Variants in EML4 observed in about 807,000 individuals in gnomAD.
The protein encoded by EML4 is EMAP like 4, also known as echinoderm microtubule-associated protein-like 4.
In EML4, 72 loss-of-function variants were observed where a neutral mutation model predicts 129.0. The ratio of observed to expected loss-of-function variants is 0.56; its 90% confidence interval spans 0.46 to 0.68. EML4 has a LOEUF of 0.68. Ranked by LOEUF, EML4 falls within the 30% of genes least tolerant of loss-of-function variation. The pLI, the probability that EML4 is intolerant of heterozygous loss-of-function variation, is 0.00. For synonymous variants in EML4, 532 were observed against 405.0 expected, an observed-to-expected ratio of 1.31 and a Z score of -3.77; for missense variants, 1,363 against 1,190.6, an observed-to-expected ratio of 1.14 and a Z score of -2.13.
chr2:42,282,047 T>C, intron 7 of EML4, among the ~76,000 whole-genome samples: 1 of 152,216 alleles, frequency 6.6e-6, no homozygotes, highest in East Asian at 1.9e-4. Flanking sequence ...AAATATCCCT[T>C]TTCCAGATAG....
chr2:42,229,503 G>T (rs1159278573), intron 1 of EML4, among the ~76,000 whole-genome samples: 2 of 152,088 alleles, frequency 1.3e-5, no homozygotes, highest in Non-Finnish European at 2.9e-5. Flanking sequence ...AAATGGTAGA[G>T]AATTTTTTCA....
At chr2:42,169,907 C>G in intron 1 of EML4, 1 of 387,418 alleles carries the variant, frequency 2.6e-6, no homozygotes. Flanking sequence ...GAACCCCTTC[C>G]TTCTCAGGCC....
chr2:42,303,356 C>A lies in EML4; in HGVS notation c.1809C>A (p.Phe603Leu). Residue 603 changes from phenylalanine to leucine, a missense_variant, in exon 16 of 23, where the codon TTC (phenylalanine) becomes TTA (leucine). Transcript: ENST00000318522. Reference protein sequence around the residue: ...DELWGLATHPFKDLLLTCAQD... With the variant: ...DELWGLATHPLKDLLLTCAQD... ...TTTGGGGTCTTGCCACACATCCCTTCAAAGATTTGCTCTTGACATGTGCTC... is the reference window on the plus strand; with the variant it reads ...TTTGGGGTCTTGCCACACATCCCTTAAAAGATTTGCTCTTGACATGTGCTC... The A allele has an allele frequency of 6.2e-7, 1 of 1,614,136 alleles. No homozygotes were observed. The highest frequency in any genetic ancestry group is 1.1e-5 in the South Asian group (1 of 91,062).
chr2:42,239,241 C>T (rs942457464), intron 1 of EML4, among the ~76,000 whole-genome samples: 12 of 152,090 alleles, frequency 7.9e-5, no homozygotes, highest in African/African-American at 1.2e-4. Flanking sequence ...GATATAAAAT[C>T]GGTAAAATCC....
chr2:42,234,044 T>C (rs1385399341), intron 1 of EML4, among the ~76,000 whole-genome samples: 2 of 152,260 alleles, frequency 1.3e-5, no homozygotes, highest in Admixed American at 1.3e-4. Context: ...GCTTTTCTGC[T>C]GCCTAGGGTT....
chr2:42,319,638 C>T (rs1669418853), intron 19 of EML4: 4 of 152,238 alleles, frequency 2.6e-5, no homozygotes. Flanking sequence ...TGGGTCAACA[C>T]TGTCTCTGCT....
At chr2:42,186,548 C>A (rs969820103) in intron 1 of EML4, among the ~76,000 whole-genome samples, 3 of 152,214 alleles carry the variant, frequency 2.0e-5, no homozygotes, top group Admixed American at 2.0e-4. Context: ...TCCTACCTCA[C>A]ATCACTGACA....
At chr2:42,289,186 T>C (rs183713450) in intron 11 of EML4, 23 of 152,326 alleles carry the variant, frequency 1.5e-4, no homozygotes, top group African/African-American at 4.6e-4. Flanking sequence ...AATGAAGATA[T>C]AGATTGACTT....
Position 42,174,997 on chromosome 2 carries a change from A to G in EML4, c.25+5361A>G, listed in dbSNP as rs191092790. Among the ~76,000 whole-genome samples, 1,312 of 151,552 alleles carry G rather than the reference A, an allele frequency of 8.7e-3. 5 individuals carry two copies. Among genetic ancestry groups the G allele is most frequent in the Non-Finnish European group, 0.013 (878 of 67,882 alleles). ...ATGTCTGGCTAATTTTTGTATTTTT[A>G]GTAGAGACGGGGTTTCACCATCTTG... On this transcript the variant is annotated intron_variant, in intron 1 of 22. Coordinates refer to ENST00000318522, the MANE Select transcript of EML4 (RefSeq NM_019063.5).
chr2:42,211,026 C>T (rs1672856069), intron 1 of EML4, among the ~76,000 whole-genome samples: 1 of 152,178 alleles, frequency 6.6e-6, no homozygotes, highest in South Asian at 2.1e-4. Flanking sequence ...TCCATGTAAT[C>T]TTCTGTCTCT....
intron 2 of EML4, among the ~76,000 whole-genome samples, chr2:42,255,960 C>G (rs759436152): frequency 2.0e-5 from 3 of 152,176 alleles, no homozygotes; most frequent in Non-Finnish European, 4.4e-5. Flanking sequence ...ACTGTTTTAT[C>G]TTATGATGTT....
intron 13 of EML4, among the ~76,000 whole-genome samples, chr2:42,298,389 G>A (rs1174062902): frequency 6.6e-6 from 1 of 152,146 alleles, no homozygotes; most frequent in Admixed American, 6.5e-5. Context: ...TAAGCCTGAA[G>A]GCAGAGTAGG....
At chr2:42,172,403 G>T (rs1386439961) in intron 1 of EML4, among the ~76,000 whole-genome samples, 2 of 152,182 alleles carry the variant, frequency 1.3e-5, no homozygotes, top group African/African-American at 4.8e-5. Flanking sequence ...AGACTAGGTA[G>T]TGGTTTTTTA....
At chr2:42,232,163 T>A (rs1674387330) in intron 1 of EML4, among the ~76,000 whole-genome samples, 1 of 152,188 alleles carries the variant, frequency 6.6e-6, no homozygotes, top group South Asian at 2.1e-4. Flanking sequence ...TCACAAGCTT[T>A]TTCCCTGAAA....
intron 6 of EML4, among the ~76,000 whole-genome samples, chr2:42,270,230 A>C (rs1666292771): frequency 1.3e-5 from 2 of 152,144 alleles, no homozygotes; most frequent in Non-Finnish European, 2.9e-5. Context: ...CTGTCCCCAC[A>C]ATACCTTCAC....
At chr2:42,280,425 A>G (rs554096952) in intron 6 of EML4, among the ~76,000 whole-genome samples, 2 of 152,346 alleles carry the variant, frequency 1.3e-5, no homozygotes, top group African/African-American at 2.4e-5. Flanking sequence ...CATGGGTTCT[A>G]CATCCACAGA....
chr2:42,185,219 G>A (rs1322012658), intron 1 of EML4, among the ~76,000 whole-genome samples: 2 of 152,060 alleles, frequency 1.3e-5, no homozygotes, highest in African/African-American at 4.8e-5. Flanking sequence ...TGTTCGTTCT[G>A]TCTGAGAAAA....
rs372449722 is a variant in EML4, at chr2:42,295,302, T to C, written c.1353+43T>C. On this transcript the variant is annotated intron_variant, in intron 12 of 22. Coordinates refer to ENST00000318522, the MANE Select transcript of EML4 (RefSeq NM_019063.5). ...TTAATGTCATTAGGTGTATAAGACT[T>C]TAATTTTTTTAATTGTTTAATAAGC... 2.5e-6 allele frequency: 4 copies of C among 1,595,496 alleles called. No individual in the cohort carries two copies. The African/African-American group carries it at 5.4e-5, about 22-fold the overall frequency.
At chr2:42,184,149 A>G (rs1317214385) in intron 1 of EML4, among the ~76,000 whole-genome samples, 1 of 152,230 alleles carries the variant, frequency 6.6e-6, no homozygotes, top group Non-Finnish European at 1.5e-5. Context: ...TTTGAAAACC[A>G]TTGATATGGT....
Sources: allele counts gnomAD v4.1 joint callset (sites outside exome capture counted in the v4.1 genomes callset), GRCh38; gene constraint gnomAD v4.1.1; transcripts MANE v1.5; gene names NCBI Gene and HGNC (gene_info 2026-07-23, HGNC 2026-07-21).